NSD1: variants seen among roughly 807,000 people sequenced by gnomAD.
The protein encoded by NSD1 is histone-lysine N-methyltransferase, H3 lysine-36 specific.
Under a neutral mutation model 242.7 loss-of-function variants are expected in NSD1, and 26 were observed. That is an observed-to-expected ratio of 0.11 (90% CI 0.08 to 0.15). The LOEUF is 0.15. Among genes scored for constraint, NSD1 ranks in the 10% least tolerant of loss-of-function variants. The pLI, the probability that NSD1 is intolerant of heterozygous loss-of-function variation, is 1.00. For missense variants in NSD1, 2,495 were observed against 3,272.8 expected (o/e 0.76, Z 5.80); for synonymous variants, 1,106 against 1,178.1 (o/e 0.94, Z 1.25).
Position 177,216,670 on chromosome 5 carries a change from GT to G in NSD1, c.3796+4494del, listed in dbSNP as rs771087392. Among the ~76,000 whole-genome samples, 534 of 126,876 alleles carry G rather than the reference GT, an allele frequency of 4.2e-3. 1 individual carries two copies. The highest frequency in any genetic ancestry group is 8.2e-3 in the South Asian group (32 of 3,922). The allele number at this position is 126,876 out of a possible 152,430, so 83.2% of individuals were successfully genotyped here. A position where few individuals can be genotyped will look rare whatever the true frequency, so the allele number is the denominator to read the frequency against. The stretch of plus-strand genomic sequence containing the variant: ...TATGTGATTTATTTCAGGGATCTCT[GT>G]TTTTTTTTTTTTTTTTTTAATTTTT... On this transcript the variant is annotated intron_variant, in intron 5 of 22. Coordinates refer to ENST00000439151, the MANE Select transcript of NSD1 (RefSeq NM_022455.5).
chr5:177,173,282 ACT>A (rs959219033), intron 2 of NSD1, among the ~76,000 whole-genome samples: 4 of 110,562 alleles, frequency 3.6e-5, no homozygotes, highest in African/African-American at 8.0e-5. Context: ...AAAGAGCTAG[ACT>A]CTGTCTCAAA....
intron 2 of NSD1, among the ~76,000 whole-genome samples, chr5:177,168,223 G>A (rs1164293487): frequency 1.3e-5 from 2 of 151,976 alleles, no homozygotes; most frequent in Non-Finnish European, 2.9e-5. Context: ...TTATTCATAG[G>A]TACAAACAGT....
In NSD1 at chr5:177,295,201, C is replaced by T; in HGVS notation, c.7833C>T (p.Pro2611=). ...RSLGKAPASL[P]TEEKKLVTTE... is the part of the protein sequence containing the mutation. ...TCGGGAAGGCCCCAGCCTCCCTCCCCACTGAAGAAAAGAAGTTGGTAACCA... is the reference window on the plus strand; with the variant it reads ...TCGGGAAGGCCCCAGCCTCCCTCCCTACTGAAGAAAAGAAGTTGGTAACCA... The change falls in exon 23 of 23, where the codon CCC becomes CCT. Residue 2611 remains proline, a synonymous_variant. Transcript: ENST00000439151. The surrounding 1 kb of genome is among the most constrained non-coding windows in gnomAD (Gnocchi z 4.3). 1.9e-6 allele frequency: 3 copies of T among 1,614,244 alleles called. No homozygotes were observed. The highest frequency in any genetic ancestry group is 2.5e-6 in the Non-Finnish European group (3 of 1,180,048).
intron 14 of NSD1, among the ~76,000 whole-genome samples, chr5:177,262,768 A>G (rs1749138188): frequency 6.6e-6 from 1 of 152,204 alleles, no homozygotes; most frequent in African/African-American, 2.4e-5. Flanking sequence ...AATCCCAGCT[A>G]CTTGGGAAGC....
chr5:177,266,302 G>T, intron 14 of NSD1: 1 of 732,276 alleles, frequency 1.4e-6, no homozygotes, highest in Admixed American at 1.8e-5. Context: ...TGTTGGCTTT[G>T]ACAATCTTCA....
chr5:177,248,101 A>G (rs959844640), intron 10 of NSD1, 80 bp from the exon 11 acceptor site: 46 of 1,585,576 alleles, frequency 2.9e-5, no homozygotes, highest in Admixed American at 5.4e-5. Context: ...ATGGCTAGAC[A>G]AATAGCAGCC....
Position 177,296,044 on chromosome 5 carries a change from C to A in NSD1, c.*585C>A, listed in dbSNP as rs1054205684. On this transcript the variant is annotated 3_prime_UTR_variant, in exon 23 of 23. Coordinates refer to ENST00000439151, the MANE Select transcript of NSD1 (RefSeq NM_022455.5). ...TTCTGAGGGGCCCTGGGGCTTTAGA[C>A]TCATTTTGAAATGTCCTTTGTGGCA... The A allele has an allele frequency of 1.2e-5, 3 of 258,636 alleles. No homozygotes were observed. Among genetic ancestry groups the A allele is most frequent in the African/African-American group, 6.6e-5 (3 of 45,768 alleles). 16.0% of individuals were successfully genotyped at this position (258,636 alleles called of 1,614,324 possible).
chr5:177,246,879 T>C, intron 10 of NSD1, 83 bp downstream of exon 10: 1 of 990,628 alleles, frequency 1.0e-6, no homozygotes, highest in Non-Finnish European at 1.6e-6. Context: ...TTCCCTTGAG[T>C]TTTCTTAAGA....
Position 177,269,570 on chromosome 5 carries a change from G to A in NSD1, c.5304-32G>A. 1 of 1,602,288 alleles carries A rather than the reference G, an allele frequency of 6.2e-7. No homozygotes were observed. The highest frequency in any genetic ancestry group is 8.6e-7 in the Non-Finnish European group (1 of 1,169,518). On this transcript the variant is annotated intron_variant, in intron 15 of 22. Coordinates refer to ENST00000439151, the MANE Select transcript of NSD1 (RefSeq NM_022455.5). The surrounding 1 kb of genome is among the most constrained non-coding windows in gnomAD (Gnocchi z 5.1). ...TTTCCTAATGCCTTGCAGCCTTCTA[G>A]AGGTTTTCCTTCTCCTTTTCACCTT...
At chr5:177,141,417 A>G (rs901318301) in intron 2 of NSD1, among the ~76,000 whole-genome samples, 1 of 129,864 alleles carries the variant, frequency 7.7e-6, no homozygotes, top group Non-Finnish European at 1.5e-5. Flanking sequence ...GGCAACCTCC[A>G]TCTCCTGGGT....
intron 20 of NSD1, 22 bp downstream of exon 20, chr5:177,283,950 T>C (rs1467479135): frequency 6.2e-7 from 1 of 1,614,068 alleles, no homozygotes; most frequent in Non-Finnish European, 8.5e-7. Flanking sequence ...TTCAGGATTC[T>C]GCAGCTGACA....
At chr5:177,185,373 G>A (rs1761017635) in intron 2 of NSD1, among the ~76,000 whole-genome samples, 2 of 151,952 alleles carry the variant, frequency 1.3e-5, no homozygotes, top group South Asian at 4.2e-4. Context: ...GGAGGCTGGT[G>A]GATCACCTGA....
At chr5:177,193,556 T>G (rs1216286966) in intron 3 of NSD1, among the ~76,000 whole-genome samples, 2 of 151,268 alleles carry the variant, frequency 1.3e-5, no homozygotes, top group Non-Finnish European at 3.0e-5. Context: ...GGATTACAGG[T>G]GTGAGCCACT....
chr5:177,252,936 G>T (rs1486656395), intron 12 of NSD1, among the ~76,000 whole-genome samples: 1 of 151,906 alleles, frequency 6.6e-6, no homozygotes. Flanking sequence ...AAGAAAAAGT[G>T]TCATTAGGGT....
intron 3 of NSD1, among the ~76,000 whole-genome samples, chr5:177,197,425 A>G (rs375809705): frequency 1.3e-5 from 2 of 152,190 alleles, no homozygotes; most frequent in South Asian, 4.1e-4. Context: ...GATGGAGACC[A>G]TCCTGGCTAA....
chr5:177,261,534 C>A (rs916260527), intron 14 of NSD1, among the ~76,000 whole-genome samples: 1 of 151,938 alleles, frequency 6.6e-6, no homozygotes, highest in Non-Finnish European at 1.5e-5. Flanking sequence ...AATTGTAGTA[C>A]CTAAAGTTCT....
At position 177,272,372 on chromosome 5, in the gene NSD1, ACT is replaced by A. The variant is rs146218337; in HGVS notation, c.5510-1297_5510-1296del. 4.1e-3 allele frequency among the ~76,000 whole-genome samples: 620 copies of A among 152,114 alleles called. 8 individuals are homozygous for A. Among genetic ancestry groups the A allele is most frequent in the East Asian group, 0.035 (179 of 5,166 alleles). On this transcript the variant is annotated intron_variant, in intron 16 of 22. Coordinates refer to ENST00000439151, the MANE Select transcript of NSD1 (RefSeq NM_022455.5). ...AGATGACTCCATGGAACACATACAA[ACT>A]CTGGTAGATGGCTACAAGGAAATGA...
chr5:177,193,465 T>C (rs565335943), intron 3 of NSD1, among the ~76,000 whole-genome samples: 1 of 151,718 alleles, frequency 6.6e-6, no homozygotes, highest in South Asian at 2.1e-4. Context: ...TTAGTAGAGA[T>C]GGGGTTTCAC....
intron 17 of NSD1, among the ~76,000 whole-genome samples, chr5:177,277,066 C>T (rs1484946357): frequency 6.6e-6 from 1 of 151,640 alleles, no homozygotes; most frequent in Non-Finnish European, 1.5e-5. Flanking sequence ...TATTGAGCTA[C>T]TGAGAGAGCA....
Sources: gnomAD v4.1 joint callset for allele counts (sites outside exome capture counted in the v4.1 genomes callset) on GRCh38, gnomAD v4.1.1 for gene constraint, Gnocchi (gnomAD v3.1) non-coding constraint, MANE v1.5 for transcripts, NCBI Gene and HGNC (gene_info 2026-07-23, HGNC 2026-07-21) for gene names.